Variants in TAGLN3 observed in about 807,000 individuals in gnomAD.
The protein encoded by TAGLN3 is transgelin 3.
A neutral mutation model predicts 25.4 loss-of-function variants in TAGLN3; 12 were observed. The observed-to-expected ratio is 0.47, with a 90% CI of 0.30 to 0.77. The LOEUF (loss-of-function observed/expected upper bound fraction) is 0.77. Ranked by LOEUF, TAGLN3 falls within the 30% of genes least tolerant of loss-of-function variation. TAGLN3 has a pLI of 0.06. For synonymous variants in TAGLN3, 96 were observed against 94.8 expected, an observed-to-expected ratio of 1.01 and a Z score of -0.08; for missense variants, 218 against 255.8, an observed-to-expected ratio of 0.85 and a Z score of 1.01.
chr3:112,008,826 G>C (rs9868226), intron 3 of TAGLN3, among the ~76,000 whole-genome samples: 25,728 of 152,206 alleles, frequency 0.17, 2,829 homozygotes, highest in Non-Finnish European at 0.24. Context: ...CATTAACTTA[G>C]TGTACTAGTC....
chr3:111,998,951 G>A lies in TAGLN3; in HGVS notation c.-166G>A, dbSNP rs568542225. 1.3e-5 allele frequency: 2 copies of A among 152,846 alleles called. No homozygotes were observed. Among genetic ancestry groups the A allele is most frequent in the East Asian group, 3.9e-4 (2 of 5,190 alleles). The allele number at this position is 152,846 out of a possible 1,614,324, so 9.5% of individuals were successfully genotyped here. ...CAATGTGCCATTCTTCCAGGCGCGA[G>A]GCAGCAGCGGCTGCAGTTCAACATG... On this transcript the variant is annotated 5_prime_UTR_variant, in exon 1 of 5. Coordinates refer to ENST00000478951, the MANE Select transcript of TAGLN3 (RefSeq NM_001008272.2).
chr3:112,007,831 AAT>A (rs1258930341), intron 3 of TAGLN3, among the ~76,000 whole-genome samples: 1 of 152,220 alleles, frequency 6.6e-6, no homozygotes, highest in African/African-American at 2.4e-5. Context: ...TTGCTTAACA[AAT>A]ATTACTTAGT....
chr3:112,003,861 G>C (rs1159919605), intron 3 of TAGLN3, among the ~76,000 whole-genome samples: 1 of 152,170 alleles, frequency 6.6e-6, no homozygotes, highest in African/African-American at 2.4e-5. Context: ...CTGCCTGGAT[G>C]TTGCAAACCC....
rs2073003646 is a variant in TAGLN3 at position 112,013,686 on chromosome 3, A to G, written c.*135A>G. On this transcript the variant is annotated 3_prime_UTR_variant, in exon 5 of 5. Transcript: ENST00000478951. ...TGTCCCTGGTTTTTGCAAGTGCTGC[A>G]TTTCCGCCGAGAATCCGCGTTGCCT... 1.6e-5 allele frequency: 22 copies of G among 1,371,654 alleles called. No individual in the cohort carries two copies. Among genetic ancestry groups the G allele is most frequent in the Non-Finnish European group, 2.1e-5 (21 of 985,268 alleles). 85.0% of individuals were successfully genotyped at this position (1,371,654 alleles called of 1,614,324 possible). A position where few individuals can be genotyped will look rare whatever the true frequency, so the allele number is the denominator to read the frequency against.
intron 1 of TAGLN3, 75 bp from the exon 2 acceptor site, chr3:111,999,346 C>T (rs1035748982): frequency 1.9e-6 from 3 of 1,538,980 alleles, no homozygotes; most frequent in Non-Finnish European, 2.6e-6. Context: ...CATATCCCAG[C>T]CCCGTCTGCA....
chr3:112,010,648 G>A (rs1576081437), intron 3 of TAGLN3, among the ~76,000 whole-genome samples: 1 of 152,184 alleles, frequency 6.6e-6, no homozygotes, highest in East Asian at 1.9e-4. Flanking sequence ...GAGTCTGGGG[G>A]ACTATCCATT....
At chr3:112,004,666 A>G (rs2072897844) in intron 3 of TAGLN3, among the ~76,000 whole-genome samples, 1 of 152,202 alleles carries the variant, frequency 6.6e-6, no homozygotes, top group African/African-American at 2.4e-5. Context: ...AGTTCATTAG[A>G]AGTGTTTAGC....
chr3:112,005,825 G>T (rs1023010381), intron 3 of TAGLN3, among the ~76,000 whole-genome samples: 1 of 150,088 alleles, frequency 6.7e-6, no homozygotes, highest in Non-Finnish European at 1.5e-5. Flanking sequence ...TGAGCCTCCT[G>T]AGTAGCTGGG....
intron 3 of TAGLN3, among the ~76,000 whole-genome samples, chr3:112,003,842 C>T (rs2072888577): frequency 6.6e-6 from 1 of 152,176 alleles, no homozygotes; most frequent in South Asian, 2.1e-4. Flanking sequence ...TGCCCTCTGA[C>T]TCTTCAGGCT....
chr3:112,004,619 T>C (rs2072897323), intron 3 of TAGLN3, among the ~76,000 whole-genome samples: 1 of 152,224 alleles, frequency 6.6e-6, no homozygotes. Flanking sequence ...GATAATCATA[T>C]GTATTTCACA....
At chr3:112,007,152 C>T (rs1340753416) in intron 3 of TAGLN3, among the ~76,000 whole-genome samples, 3 of 152,136 alleles carry the variant, frequency 2.0e-5, no homozygotes, top group African/African-American at 7.2e-5. Flanking sequence ...CAGATATTTT[C>T]CATATGCCCT....
intron 2 of TAGLN3, 92 bp from the exon 3 acceptor site, chr3:112,000,680 A>T: frequency 1.4e-6 from 2 of 1,395,870 alleles, no homozygotes; most frequent in Admixed American, 1.9e-5. Flanking sequence ...AAACTGGATG[A>T]GCAGTGTCCC....
chr3:111,999,735 G>T, intron 2 of TAGLN3, 133 bp downstream of exon 2: 1 of 1,195,114 alleles, frequency 8.4e-7, no homozygotes, highest in Admixed American at 2.6e-5. Flanking sequence ...GGATGAGAAT[G>T]CCTTTATTTC....
chr3:111,999,343 C>A (rs866377583), intron 1 of TAGLN3, 78 bp from the exon 2 acceptor site: 17 of 1,532,800 alleles, frequency 1.1e-5, no homozygotes, highest in Middle Eastern at 3.6e-4. Flanking sequence ...AGCCATATCC[C>A]AGCCCCGTCT....
At chr3:112,002,417 T>C (rs1299469632) in intron 3 of TAGLN3, among the ~76,000 whole-genome samples, 1 of 152,248 alleles carries the variant, frequency 6.6e-6, no homozygotes, top group Non-Finnish European at 1.5e-5. Flanking sequence ...ACCTGGGCTC[T>C]CTGACAGCAA....
At chr3:112,012,734 G>C (rs913102776) in intron 4 of TAGLN3, among the ~76,000 whole-genome samples, 2 of 152,056 alleles carry the variant, frequency 1.3e-5, no homozygotes, top group African/African-American at 4.8e-5. Flanking sequence ...GTGAACTACC[G>C]TGTTCCCATG....
chr3:111,999,562 C>G lies in TAGLN3; in HGVS notation c.140C>G (p.Pro47Arg). 4 of 1,614,156 alleles carry G rather than the reference C, an allele frequency of 2.5e-6. No individual in the cohort carries two copies. Among genetic ancestry groups the G allele is most frequent in the Admixed American group, 1.7e-5 (1 of 60,032 alleles). ...QCAEDIEHPP[P>R]GRAHFQKWLM... ...GCCGAGGACATAGAGCACCCGCCCCCCGGCAGGGCCCATTTTCAGAAATGG... is the reference window on the plus strand; with the variant it reads ...GCCGAGGACATAGAGCACCCGCCCCGCGGCAGGGCCCATTTTCAGAAATGG... The change falls in exon 2 of 5, where the codon CCC (proline) becomes CGC (arginine). Residue 47 changes from proline to arginine, a missense_variant. Transcript: ENST00000478951.
At position 112,008,276 on chromosome 3, in the gene TAGLN3, A is replaced by G. The variant is rs917100071; in HGVS notation, c.356-3487A>G. Among the ~76,000 whole-genome samples, 13 of 152,292 alleles carry G rather than the reference A, an allele frequency of 8.5e-5. No individual in the cohort carries two copies. In the East Asian group the frequency reaches 2.5e-3, roughly 29 times the overall value. On this transcript the variant is annotated intron_variant, in intron 3 of 4. Coordinates refer to ENST00000478951, the MANE Select transcript of TAGLN3 (RefSeq NM_001008272.2). ...GGCAGATATGACACTTGGTTGTGAT[A>G]CGACTAGTTTTCTTTTCTTGTTTAT...
Position 111,999,210 on chromosome 3 carries a change from A to C in TAGLN3, c.-3+96A>C, listed in dbSNP as rs112423776. On this transcript the variant is annotated intron_variant, in intron 1 of 4. Coordinates refer to ENST00000478951, the MANE Select transcript of TAGLN3 (RefSeq NM_001008272.2). ...CCGGCCGGAGGTTTATTCTAGAGTTACTGGCGGGTAGCTGTGCTTTTCTTT... is the reference window on the plus strand; with the variant it reads ...CCGGCCGGAGGTTTATTCTAGAGTTCCTGGCGGGTAGCTGTGCTTTTCTTT... 9.3e-4 allele frequency: 492 copies of C among 528,094 alleles called. 5 individuals are homozygous for C. Among genetic ancestry groups the C allele is most frequent in the Non-Finnish European group, 3.1e-4 (93 of 300,062 alleles). The allele number at this position is 528,094 out of a possible 1,614,324, so 32.7% of individuals were successfully genotyped here.
Sources: allele counts gnomAD v4.1 joint callset (sites outside exome capture counted in the v4.1 genomes callset), GRCh38; gene constraint gnomAD v4.1.1; transcripts MANE v1.5; gene names NCBI Gene and HGNC (gene_info 2026-07-23, HGNC 2026-07-21).